Variants in KIF18A observed in about 807,000 individuals in gnomAD.
KIF18A encodes kinesin family member 18A, also known as kinesin-like protein KIF18A.
A neutral mutation model predicts 103.3 loss-of-function variants in KIF18A; 67 were observed. That is an observed-to-expected ratio of 0.65 (90% CI 0.53 to 0.79). The LOEUF (loss-of-function observed/expected upper bound fraction) is 0.79, where lower values mean the gene tolerates loss of function less well. Ranked by LOEUF, KIF18A falls within the 30% of genes least tolerant of loss-of-function variation. KIF18A has a pLI of 0.00. For missense variants in KIF18A, 1,032 were observed against 1,062.5 expected (o/e 0.97, Z 0.40); for synonymous variants, 367 against 355.5 (o/e 1.03, Z -0.36).
intron 1 of KIF18A, among the ~76,000 whole-genome samples, chr11:28,102,079 GTTGGAAAAGTCCACGTTCTAT>G (rs1447289697): frequency 6.6e-6 from 1 of 152,108 alleles, no homozygotes; most frequent in Non-Finnish European, 1.5e-5. Flanking sequence ...AAAGTTTCTT[GTTGGAAAAGTCCACGTTCTAT>G]AGAGAATCCC....
intron 12 of KIF18A, 123 bp from the exon 13 acceptor site, chr11:28,059,284 T>C (rs1850828088): frequency 6.8e-6 from 5 of 731,172 alleles, no homozygotes; most frequent in East Asian, 5.3e-5. Flanking sequence ...ATGTATGAAC[T>C]GAGTTCTAGT....
chr11:28,083,997 G>A (rs571894015), intron 7 of KIF18A, among the ~76,000 whole-genome samples: 164 of 152,028 alleles, frequency 1.1e-3, no homozygotes, highest in African/African-American at 2.1e-3. Context: ...TTTCAACCCC[G>A]ATATATTATA....
chr11:28,074,302 T>C (rs1337115874), intron 10 of KIF18A, among the ~76,000 whole-genome samples: 1 of 152,140 alleles, frequency 6.6e-6, no homozygotes, highest in Non-Finnish European at 1.5e-5. Flanking sequence ...AATTGATAAA[T>C]TAATCCAATG....
rs779538233 is a variant in KIF18A, at chr11:28,035,479, T to A, written c.2412A>T (p.Ser804=). 6.3e-7 allele frequency: 1 copy of A among 1,589,594 alleles called. No individual in the cohort carries two copies. The highest frequency in any genetic ancestry group is 1.7e-5 in the Admixed American group (1 of 58,340). Residue 804 remains serine, a synonymous_variant, in exon 15 of 17, where the codon TCA becomes TCT. Coordinates refer to ENST00000263181, the MANE Select transcript of KIF18A (RefSeq NM_031217.4). The part of the protein sequence containing the change: ...KDILQRLDPS[S]FSTKHSMPVP... ...CAGGCATAGAATGCTTAGTTGAGAA[T>A]GAAGAAGGATCAAGCCTGTATATTA...
intron 7 of KIF18A, 171 bp downstream of exon 7, chr11:28,084,461 G>T: frequency 3.2e-6 from 1 of 313,052 alleles, no homozygotes; most frequent in Non-Finnish European, 5.9e-6. Flanking sequence ...ATGCTTTATG[G>T]TTTAACCGTC....
chr11:28,097,640 T>C lies in KIF18A; in HGVS notation c.308A>G (p.Asn103Ser), dbSNP rs768642098. ...ACAAATACCTGTGCAATTATATCCA[T>C]TCAAAAAACTACGAAGAATTGGCTT... ...TTKPILRSFL[N>S]GYNCTVLAYG... The change falls in exon 2 of 17, where the codon AAT (asparagine) becomes AGT (serine). Residue 103 changes from asparagine to serine, a missense_variant. Coordinates refer to ENST00000263181, the MANE Select transcript of KIF18A (RefSeq NM_031217.4). 6.2e-7 allele frequency: 1 copy of C among 1,604,268 alleles called. No individual in the cohort carries two copies. The highest frequency in any genetic ancestry group is 8.5e-7 in the Non-Finnish European group (1 of 1,171,508).
intron 10 of KIF18A, among the ~76,000 whole-genome samples, chr11:28,074,007 C>T (rs1326299897): frequency 6.6e-6 from 1 of 152,000 alleles, no homozygotes; most frequent in African/African-American, 2.4e-5. Context: ...AGAATTATTA[C>T]CCACTGAAGA....
At chr11:28,036,018 CT>C (rs1252079850) in intron 14 of KIF18A, among the ~76,000 whole-genome samples, 198 bp downstream of exon 14, 2 of 151,294 alleles carry the variant, frequency 1.3e-5, no homozygotes, top group Non-Finnish European at 3.0e-5. Context: ...GGTCAACTGA[CT>C]TAAGATATCA....
At chr11:28,025,025 CAATTAT>C (rs1259849868) in intron 15 of KIF18A, among the ~76,000 whole-genome samples, 5 of 151,974 alleles carry the variant, frequency 3.3e-5, no homozygotes, top group Admixed American at 6.6e-5. Flanking sequence ...TAAAATAGAG[CAATTAT>C]AATTATAATT....
Position 28,021,175 on chromosome 11 carries a change from T to G in KIF18A, c.*25A>C. On this transcript the variant is annotated 3_prime_UTR_variant, in exon 17 of 17. Transcript: ENST00000263181. ...CTTTGAAAAGCAGATTTGATCAACTTCATTTTGCTTGGTTTTGAAGTGATT... is the reference window on the plus strand; with the variant it reads ...CTTTGAAAAGCAGATTTGATCAACTGCATTTTGCTTGGTTTTGAAGTGATT... The G allele has an allele frequency of 6.8e-7, 1 of 1,474,146 alleles. No individual in the cohort carries two copies. The highest frequency in any genetic ancestry group is 1.4e-5 in the South Asian group (1 of 74,000). The allele number at this position is 1,474,146 out of a possible 1,614,324, so 91.3% of individuals were successfully genotyped here. A position where few individuals can be genotyped will look rare whatever the true frequency, so the allele number is the denominator to read the frequency against.
chr11:28,074,786 T>C (rs187009278), intron 10 of KIF18A, among the ~76,000 whole-genome samples: 1 of 152,148 alleles, frequency 6.6e-6, no homozygotes, highest in East Asian at 1.9e-4. Flanking sequence ...ATGTTTGGGG[T>C]GGTAGTTTGA....
intron 6 of KIF18A, among the ~76,000 whole-genome samples, chr11:28,085,175 C>T (rs971175798): frequency 6.6e-6 from 1 of 152,106 alleles, no homozygotes; most frequent in African/African-American, 2.4e-5. Context: ...TCTGTTATGC[C>T]GGCACAAACG....
intron 10 of KIF18A, among the ~76,000 whole-genome samples, chr11:28,072,978 A>G (rs956846995): frequency 1.3e-5 from 2 of 152,166 alleles, no homozygotes; most frequent in Admixed American, 6.6e-5. Context: ...CAAAGTTTTG[A>G]TAATGCTACT....
chr11:28,067,841 C>T (rs1465806140), intron 11 of KIF18A, among the ~76,000 whole-genome samples: 2 of 152,114 alleles, frequency 1.3e-5, no homozygotes, highest in Non-Finnish European at 2.9e-5. Flanking sequence ...TATTTCATAG[C>T]AGTTGCTCCT....
intron 15 of KIF18A, among the ~76,000 whole-genome samples, chr11:28,029,079 C>T (rs931464634): frequency 2.6e-5 from 4 of 152,164 alleles, no homozygotes; most frequent in Non-Finnish European, 5.9e-5. Context: ...GGCGGATTCA[C>T]AGCTGAATTC....
chr11:28,084,944 A>G (rs1851208761), intron 6 of KIF18A, 136 bp from the exon 7 acceptor site: 4 of 596,092 alleles, frequency 6.7e-6, no homozygotes, highest in Non-Finnish European at 1.2e-5. Context: ...CTGTTTCAGT[A>G]TAATGAAAAA....
intron 11 of KIF18A, among the ~76,000 whole-genome samples, chr11:28,066,116 A>G (rs1239338494): frequency 6.6e-6 from 1 of 152,054 alleles, no homozygotes; most frequent in African/African-American, 2.4e-5. Flanking sequence ...AAATGAGGTC[A>G]AAGTTTAATA....
At position 28,035,611 on chromosome 11, in the gene KIF18A, C is replaced by T. The variant is rs903368220; in HGVS notation, c.2397-117G>A. 1.4e-5 allele frequency: 7 copies of T among 485,474 alleles called. No individual in the cohort carries two copies. The East Asian group carries it at 1.6e-4, about 11-fold the overall frequency. The allele number at this position is 485,474 out of a possible 1,614,324, so 30.1% of individuals were successfully genotyped here. A position where few individuals can be genotyped will look rare whatever the true frequency, so the allele number is the denominator to read the frequency against. On this transcript the variant is annotated intron_variant, in intron 14 of 16. Transcript: ENST00000263181. The stretch of plus-strand genomic sequence containing the variant: ...TTTGGTATTAATATATAAAGAAAAA[C>T]ATTCTGCTATACTGTAAAGATTCCC...
intron 13 of KIF18A, among the ~76,000 whole-genome samples, chr11:28,037,731 C>T (rs368382069): frequency 9.2e-5 from 14 of 151,720 alleles, no homozygotes; most frequent in African/African-American, 3.1e-4. Context: ...CTTTCACCCT[C>T]ATCACTCTGG....
Sources: gnomAD v4.1 joint callset for allele counts (sites outside exome capture counted in the v4.1 genomes callset) on GRCh38, gnomAD v4.1.1 for gene constraint, MANE v1.5 for transcripts, NCBI Gene and HGNC (gene_info 2026-07-23, HGNC 2026-07-21) for gene names.